The following NAV3 variants were observed in gnomAD, a reference collection of about 807,000 sequenced individuals.
NAV3 encodes the protein neuron navigator 3.
In NAV3, 87 loss-of-function variants were observed where a neutral mutation model predicts 244.7. The observed-to-expected ratio is 0.36, with a 90% CI of 0.30 to 0.42. NAV3 has a LOEUF of 0.42. NAV3 is among the 20% of genes least tolerant of loss of function. The pLI, the probability that NAV3 is intolerant of heterozygous loss-of-function variation, is 1.00. For synonymous variants in NAV3, 1,126 were observed against 1,042.2 expected, an observed-to-expected ratio of 1.08 and a Z score of -1.55; for missense variants, 2,663 against 2,893.3, an observed-to-expected ratio of 0.92 and a Z score of 1.83.
intron 9 of NAV3, chr12:78,037,302 C>A (rs779683396): frequency 1.4e-5 from 10 of 702,756 alleles, no homozygotes; most frequent in Non-Finnish European, 2.6e-5. Flanking sequence ...AAGCTGTTTG[C>A]GGGAAGGGAC....
chr12:78,149,027 T>C, intron 22 of NAV3, 108 bp downstream of exon 22: 2 of 884,740 alleles, frequency 2.3e-6, no homozygotes, highest in Non-Finnish European at 1.8e-6. Flanking sequence ...CAGACTTAGA[T>C]TACCAACTAG....
At chr12:77,806,805 C>A (rs570597568) in intron 2 of NAV3, among the ~76,000 whole-genome samples, 1 of 152,276 alleles carries the variant, frequency 6.6e-6, no homozygotes, top group African/African-American at 2.4e-5. Flanking sequence ...TAGTCTAAGT[C>A]TCTTTGTACA....
At chr12:77,704,467 C>T (rs1875700305) in intron 2 of NAV3, among the ~76,000 whole-genome samples, 1 of 152,112 alleles carries the variant, frequency 6.6e-6, no homozygotes, top group South Asian at 2.1e-4. Context: ...GCTTGATATC[C>T]AAAATAGTAT....
chr12:78,031,680 A>G (rs1879005653), intron 9 of NAV3, among the ~76,000 whole-genome samples: 1 of 143,906 alleles, frequency 6.9e-6, no homozygotes, highest in Non-Finnish European at 1.5e-5. Flanking sequence ...GTGGGAATTG[A>G]ACAATGAGAT....
At chr12:77,848,873 TA>T (rs1877047938) in intron 1 of NAV3, among the ~76,000 whole-genome samples, 3 of 152,194 alleles carry the variant, frequency 2.0e-5, no homozygotes, top group Admixed American at 6.5e-5. Context: ...TAATGAGGAT[TA>T]AAAAAAATCA....
At chr12:77,869,739 C>G (rs1880654302) in intron 1 of NAV3, among the ~76,000 whole-genome samples, 1 of 152,086 alleles carries the variant, frequency 6.6e-6, no homozygotes, top group African/African-American at 2.4e-5. Context: ...AGCCCTTATT[C>G]AATTTTTAAT....
At chr12:77,591,961 G>A (rs1050739583) in intron 2 of NAV3, among the ~76,000 whole-genome samples, 4 of 152,228 alleles carry the variant, frequency 2.6e-5, no homozygotes, top group Non-Finnish European at 5.9e-5. Context: ...TTCTGATGAA[G>A]CAAGGCATGT....
Position 77,667,521 on chromosome 12 carries a change from G to A in NAV3, c.72+95255G>A, listed in dbSNP as rs980597965. On this transcript the variant is annotated intron_variant, in intron 2 of 8. Transcript: ENST00000550042. The stretch of plus-strand genomic sequence containing the variant: ...TGGGGACCTGTATGACTCAGCAGAG[G>A]CAGCCATAATACCACTGGGAACATA... 1.2e-4 allele frequency among the ~76,000 whole-genome samples: 19 copies of A among 152,098 alleles called. No individual in the cohort carries two copies. The East Asian group carries it at 3.3e-3, about 26-fold the overall frequency.
intron 34 of NAV3, 113 bp downstream of exon 34, chr12:78,190,332 C>T (rs1958917852): frequency 1.0e-5 from 8 of 802,664 alleles, no homozygotes; most frequent in Non-Finnish European, 1.6e-5. Flanking sequence ...GAATATCCAT[C>T]TTTTTTTTAC....
intron 24 of NAV3, among the ~76,000 whole-genome samples, chr12:78,170,747 G>A (rs1278487245): frequency 6.6e-6 from 1 of 151,620 alleles, no homozygotes; most frequent in Non-Finnish European, 1.5e-5. Context: ...TATGAATTGT[G>A]TTCATTCCAT....
intron 2 of NAV3, among the ~76,000 whole-genome samples, chr12:77,736,458 T>C (rs1180483810): frequency 6.6e-6 from 1 of 152,206 alleles, no homozygotes; most frequent in African/African-American, 2.4e-5. Context: ...GTTGTACCAG[T>C]TGAAAGATTA....
intron 2 of NAV3, among the ~76,000 whole-genome samples, chr12:77,669,013 C>T (rs886709470): frequency 2.0e-5 from 3 of 152,146 alleles, no homozygotes; most frequent in Admixed American, 6.5e-5. Flanking sequence ...TTAAACGAAA[C>T]AATTATCAGC....
intron 8 of NAV3, among the ~76,000 whole-genome samples, chr12:78,013,413 A>G (rs1875643301): frequency 1.3e-5 from 2 of 152,124 alleles, no homozygotes; most frequent in South Asian, 4.1e-4. Flanking sequence ...TGGCACTTGA[A>G]CTGAGTCCAG....
At chr12:78,006,369 T>C (rs370862213) in intron 7 of NAV3, 50 bp from the exon 8 acceptor site, 8 of 1,523,148 alleles carry the variant, frequency 5.3e-6, no homozygotes, top group Non-Finnish European at 7.1e-6. Flanking sequence ...GTAATATAAA[T>C]GATCAAGATT....
upstream of NAV3, among the ~76,000 whole-genome samples, chr12:77,827,260 A>AAAAAAC (rs1474559232): frequency 3.0e-5 from 4 of 134,292 alleles, no homozygotes; most frequent in Non-Finnish European, 4.8e-5. Flanking sequence ...AAAAAAAAAA[A>AAAAAAC]AGTAATGTGG....
chr12:78,095,045 TTATATA>T (rs368659738), intron 12 of NAV3, among the ~76,000 whole-genome samples: 17 of 123,870 alleles, frequency 1.4e-4, no homozygotes, highest in Admixed American at 7.8e-4. Flanking sequence ...CCATATCAAA[TTATATA>T]TATATATATA....
intron 2 of NAV3, among the ~76,000 whole-genome samples, chr12:77,583,254 C>G (rs1275934934): frequency 2.6e-5 from 4 of 152,314 alleles, no homozygotes; most frequent in East Asian, 3.9e-4. Context: ...CCTTTAAACT[C>G]TTACCAGCTG....
chr12:78,099,650 G>A (rs897788141), intron 12 of NAV3, among the ~76,000 whole-genome samples: 1 of 151,760 alleles, frequency 6.6e-6, no homozygotes, highest in Non-Finnish European at 1.5e-5. Flanking sequence ...AAATCAACTT[G>A]TACCTATTTC....
chr12:77,676,400 C>G (rs1033833848), intron 2 of NAV3, among the ~76,000 whole-genome samples: 2 of 152,132 alleles, frequency 1.3e-5, no homozygotes, highest in Non-Finnish European at 2.9e-5. Flanking sequence ...AGATGATGGA[C>G]TGTCCTTAGC....
Sources: gnomAD v4.1 joint callset for allele counts (sites outside exome capture counted in the v4.1 genomes callset) on GRCh38, gnomAD v4.1.1 for gene constraint, MANE v1.5 for transcripts, NCBI Gene and HGNC (gene_info 2026-07-23, HGNC 2026-07-21) for gene names.